KAZN: variants seen among roughly 807,000 people sequenced by gnomAD.
The protein encoded by KAZN is kazrin, periplakin interacting protein.
Under a neutral mutation model 87.4 loss-of-function variants are expected in KAZN, and 40 were observed. The observed-to-expected ratio is 0.46, with a 90% CI of 0.36 to 0.60. The LOEUF is 0.60. Among genes scored for constraint, KAZN ranks in the 20% least tolerant of loss-of-function variants. KAZN has a pLI of 0.00. For missense variants in KAZN, 898 were observed against 1,073.9 expected (o/e 0.84, Z 2.29); for synonymous variants, 466 against 458.3 (o/e 1.02, Z -0.22).
chr1:14,272,752 G>A (rs1652050330), intron 2 of KAZN, among the ~76,000 whole-genome samples: 1 of 152,170 alleles, frequency 6.6e-6, no homozygotes, highest in African/African-American at 2.4e-5. Flanking sequence ...CAGATACTTG[G>A]GAGGCTGAGG....
At chr1:14,189,090 C>G (rs905938563) in intron 2 of KAZN, among the ~76,000 whole-genome samples, 1 of 152,160 alleles carries the variant, frequency 6.6e-6, no homozygotes, top group Non-Finnish European at 1.5e-5. Context: ...GCCAGTAAGA[C>G]TCCTTGGTGC....
intron 1 of KAZN, among the ~76,000 whole-genome samples, chr1:14,696,288 G>A (rs1201755307): frequency 1.3e-5 from 2 of 152,270 alleles, no homozygotes; most frequent in East Asian, 1.9e-4. Flanking sequence ...ATTATTACAC[G>A]GTGTGCTAAC....
chr1:13,954,143 G>C lies in KAZN; in HGVS notation c.91+60387G>C, dbSNP rs559104633. The stretch of plus-strand genomic sequence containing the variant: ...ACGCACCACCCAGGAGGCGGAGGTC[G>C]CAGTGAGCCGAGATTGCGCCACTGC... On this transcript the variant is annotated intron_variant, in intron 1 of 16. Transcript: ENST00000636203. Among the ~76,000 whole-genome samples, 34 of 152,266 alleles carry C rather than the reference G, an allele frequency of 2.2e-4. No homozygotes were observed. In the South Asian group the frequency reaches 7.1e-3, roughly 32 times the overall value.
At chr1:14,484,380 T>C (rs1557751560) in intron 2 of KAZN, among the ~76,000 whole-genome samples, 1 of 152,202 alleles carries the variant, frequency 6.6e-6, no homozygotes, top group African/African-American at 2.4e-5. Context: ...TGTGAGGTAA[T>C]GTATATGTTA....
intron 2 of KAZN, among the ~76,000 whole-genome samples, chr1:14,522,597 A>G (rs1195139011): frequency 6.6e-6 from 1 of 152,224 alleles, no homozygotes; most frequent in Non-Finnish European, 1.5e-5. Context: ...AAGCCCGAGA[A>G]AAGAACAAAT....
intron 4 of KAZN, among the ~76,000 whole-genome samples, chr1:15,048,655 C>CGGTCCTGGGTCGTT (rs1557754339): frequency 0.034 from 3,015 of 87,836 alleles, 82 homozygotes; most frequent in South Asian, 0.061. Context: ...CCTGGGTCGT[C>CGGTCCTGGGTCGTT]GGTCCTGGGT....
rs191961416 is a variant in KAZN at position 14,644,416 on chromosome 1, C to T, written c.226+45193C>T. On this transcript the variant is annotated intron_variant, in intron 1 of 14. Transcript: ENST00000376030. Reference sequence around the variant, plus strand: ...TCGCTCTGTCACCCAGGCTGGAGTGCTGTGGTGTGATCTCGGCTCACTGCA... The same window carrying T: ...TCGCTCTGTCACCCAGGCTGGAGTGTTGTGGTGTGATCTCGGCTCACTGCA... Among the ~76,000 whole-genome samples, 659 of 150,742 alleles carry T rather than the reference C, an allele frequency of 4.4e-3. 6 individuals are homozygous for T. The highest frequency in any genetic ancestry group is 0.015 in the African/African-American group (627 of 40,876).
chr1:14,716,932 A>ATCTTATGCT (rs1461953469), intron 1 of KAZN, among the ~76,000 whole-genome samples: 1 of 151,746 alleles, frequency 6.6e-6, no homozygotes, highest in African/African-American at 2.4e-5. Flanking sequence ...CCCTTGGAGC[A>ATCTTATGCT]TCTTATGCTT....
chr1:14,713,152 CTG>C (rs751452650), intron 1 of KAZN, among the ~76,000 whole-genome samples: 7 of 152,182 alleles, frequency 4.6e-5, no homozygotes, highest in Non-Finnish European at 1.0e-4. Flanking sequence ...AGGCTCTGCT[CTG>C]TGTGTCTCTC....
In KAZN at chr1:14,030,777, A is replaced by T. The variant is rs186107194; in HGVS notation, c.91+137021A>T. Among the ~76,000 whole-genome samples, 56 of 152,174 alleles carry T rather than the reference A, an allele frequency of 3.7e-4. No homozygotes were observed. The East Asian group carries it at 9.7e-3, about 26-fold the overall frequency. On this transcript the variant is annotated intron_variant, in intron 1 of 16. Coordinates refer to the KAZN transcript ENST00000636203. ...AATTGCAAGAATGGAGGCTTCCACA[A>T]GTTACTAACGACTTAAGGACAGGGT...
chr1:14,299,095 G>A (rs1654341960), intron 2 of KAZN, among the ~76,000 whole-genome samples: 1 of 152,302 alleles, frequency 6.6e-6, no homozygotes, highest in Middle Eastern at 3.4e-3. Flanking sequence ...CTACTACTGT[G>A]TGCCAAGCAC....
chr1:14,372,174 T>A (rs1660543916), intron 2 of KAZN, among the ~76,000 whole-genome samples: 1 of 152,228 alleles, frequency 6.6e-6, no homozygotes, highest in South Asian at 2.1e-4. Flanking sequence ...TTGTTAACTG[T>A]TTACTGTGTA....
chr1:14,346,204 T>A (rs934763438), intron 2 of KAZN, among the ~76,000 whole-genome samples: 7 of 152,054 alleles, frequency 4.6e-5, no homozygotes, highest in Non-Finnish European at 7.4e-5. Context: ...TTACTGTACA[T>A]GAAAATGCAC....
At chr1:14,549,631 TC>T (rs1271821743) in intron 2 of KAZN, among the ~76,000 whole-genome samples, 1 of 149,974 alleles carries the variant, frequency 6.7e-6, no homozygotes, top group Non-Finnish European at 1.5e-5. Flanking sequence ...TTTTTTTTAT[TC>T]AGGACAAGGA....
In KAZN at chr1:14,507,314, A is replaced by G. The variant is rs187765857; in HGVS notation, c.250-91669A>G. Among the ~76,000 whole-genome samples the G allele has an allele frequency of 4.2e-3, 638 of 152,306 alleles. 10 individuals carry two copies. Among genetic ancestry groups the G allele is most frequent in the African/African-American group, 0.014 (577 of 41,570 alleles). On this transcript the variant is annotated intron_variant, in intron 2 of 16. Transcript: ENST00000636203. ...TGATGCTAAACAAAATTCTCATTTC[A>G]GTAGAATGGGGGCTTTGTTCCCTAT...
intron 2 of KAZN, among the ~76,000 whole-genome samples, chr1:14,205,084 G>A (rs986945743): frequency 6.6e-6 from 1 of 152,214 alleles, no homozygotes; most frequent in Admixed American, 6.5e-5. Context: ...CATTCAGGAG[G>A]CAGATGGGGA....
intron 2 of KAZN, among the ~76,000 whole-genome samples, chr1:14,981,535 C>A (rs1666248658): frequency 6.6e-6 from 1 of 152,258 alleles, no homozygotes; most frequent in African/African-American, 2.4e-5. Context: ...GCAGTGGTAT[C>A]TGCATGCAAC....
At position 14,093,738 on chromosome 1, in the gene KAZN, A is replaced by T. The variant is rs1440707050; in HGVS notation, c.92-86697A>T. The stretch of plus-strand genomic sequence containing the variant: ...CCAATTTATTTGATCATAGTTTTAC[A>T]TGACACAAAAGTCTTCAGATTGAAG... On this transcript the variant is annotated intron_variant, in intron 1 of 16. Transcript: ENST00000636203. Among the ~76,000 whole-genome samples the T allele has an allele frequency of 2.2e-4, 34 of 152,242 alleles. 1 individual carries two copies.
At chr1:14,484,213 G>T (rs1049998328) in intron 2 of KAZN, among the ~76,000 whole-genome samples, 1 of 152,112 alleles carries the variant, frequency 6.6e-6, no homozygotes, top group Admixed American at 6.6e-5. Context: ...CCTCCAGTTT[G>T]GCTCTCTTTG....
Sources: allele counts gnomAD v4.1 joint callset (sites outside exome capture counted in the v4.1 genomes callset), GRCh38; gene constraint gnomAD v4.1.1; transcripts MANE v1.5; gene names NCBI Gene and HGNC (gene_info 2026-07-23, HGNC 2026-07-21).